The following SV2C variants were observed in gnomAD, a reference collection of about 807,000 sequenced individuals.
The protein encoded by SV2C is synaptic vesicle glycoprotein 2C.
A neutral mutation model predicts 79.7 loss-of-function variants in SV2C; 49 were observed. The ratio of observed to expected loss-of-function variants is 0.61; its 90% CI spans 0.49 to 0.78. The LOEUF is 0.78. Among genes scored for constraint, SV2C ranks in the 30% least tolerant of loss-of-function variants. The probability of loss-of-function intolerance (pLI) is 0.00; values close to 1 mark genes in which losing one functional copy is unlikely to be tolerated. For missense variants in SV2C, 833 were observed against 912.9 expected (o/e 0.91, Z 1.13); for synonymous variants, 334 against 333.2 (o/e 1.00, Z -0.03).
the SV2C span, among the ~76,000 whole-genome samples, chr5:75,974,894 G>T: frequency 6.6e-6 from 1 of 152,114 alleles, no homozygotes; most frequent in East Asian, 1.9e-4. Flanking sequence ...CCATTTTACA[G>T]ATTTAAAAAT....
chr5:76,173,905 T>C (rs751067146), intron 2 of SV2C: 12 of 1,591,940 alleles, frequency 7.5e-6, no homozygotes, highest in Non-Finnish European at 1.0e-5. Flanking sequence ...TCAGGTCTTG[T>C]AAATCGTTAA....
intron 2 of SV2C, among the ~76,000 whole-genome samples, chr5:76,173,056 TAA>T (rs202156740): frequency 1.1e-5 from 1 of 89,264 alleles, no homozygotes; most frequent in African/African-American, 4.5e-5. Flanking sequence ...AAAAATAAAT[TAA>T]AAAAAAATAC....
the SV2C span, among the ~76,000 whole-genome samples, chr5:75,984,403 A>G: frequency 6.6e-6 from 1 of 152,108 alleles, no homozygotes; most frequent in Non-Finnish European, 1.5e-5. Context: ...CAAATGACCT[A>G]ATATAAATCT....
chr5:76,054,122 T>G, the SV2C span, among the ~76,000 whole-genome samples: 5 of 152,038 alleles, frequency 3.3e-5, no homozygotes, highest in Non-Finnish European at 5.9e-5. Flanking sequence ...ATTAGGTATT[T>G]GTCCAAATGC....
intron 4 of SV2C, among the ~76,000 whole-genome samples, chr5:76,268,905 A>G (rs554176625): frequency 1.3e-5 from 2 of 152,372 alleles, no homozygotes; most frequent in South Asian, 4.1e-4. Flanking sequence ...CATAGCAAAA[A>G]CTAACACAAA....
chr5:75,924,445 A>G, the SV2C span, among the ~76,000 whole-genome samples: 1 of 152,178 alleles, frequency 6.6e-6, no homozygotes, highest in East Asian at 1.9e-4. Flanking sequence ...TCTTAGTCAA[A>G]CCTTTTGTCT....
chr5:76,009,508 C>T, the SV2C span, among the ~76,000 whole-genome samples: 5 of 152,188 alleles, frequency 3.3e-5, no homozygotes, highest in African/African-American at 9.7e-5. Context: ...ATGGAATCAA[C>T]CCAGGTGCCT....
intron 1 of SV2C, among the ~76,000 whole-genome samples, chr5:76,088,674 C>A (rs1411898828): frequency 6.6e-6 from 1 of 152,184 alleles, no homozygotes; most frequent in Admixed American, 6.5e-5. Flanking sequence ...CAGACCATAG[C>A]AGACATACTT....
the SV2C span, among the ~76,000 whole-genome samples, chr5:76,032,451 T>C: frequency 6.6e-6 from 1 of 152,000 alleles, no homozygotes; most frequent in Non-Finnish European, 1.5e-5. Flanking sequence ...CCTGTGTCCA[T>C]GTGTTCTCAT....
At chr5:76,021,638 A>G in the SV2C span, among the ~76,000 whole-genome samples, 1 of 152,196 alleles carries the variant, frequency 6.6e-6, no homozygotes, top group African/African-American at 2.4e-5. Context: ...AGAGGTCTAA[A>G]AATCCTTTAG....
chr5:76,077,853 G>T, the SV2C span, among the ~76,000 whole-genome samples: 332 of 152,352 alleles, frequency 2.2e-3, 1 homozygote, highest in Middle Eastern at 0.037. Flanking sequence ...CCACCAGAGA[G>T]GTGGCCTCTT....
chr5:76,193,286 A>G (rs1744163151), intron 2 of SV2C, among the ~76,000 whole-genome samples: 1 of 152,174 alleles, frequency 6.6e-6, no homozygotes, highest in South Asian at 2.1e-4. Flanking sequence ...GGGGTCTGAA[A>G]GTCCAAATGC....
At chr5:76,154,892 A>C (rs546694697) in intron 2 of SV2C, among the ~76,000 whole-genome samples, 2 of 152,302 alleles carry the variant, frequency 1.3e-5, no homozygotes, top group South Asian at 4.2e-4. Context: ...TTCTATATTT[A>C]AAGGGAAAAA....
At chr5:76,275,628 C>T (rs1026859380) in intron 4 of SV2C, among the ~76,000 whole-genome samples, 8 of 152,224 alleles carry the variant, frequency 5.3e-5, no homozygotes, top group African/African-American at 1.9e-4. Flanking sequence ...CATACCTCTG[C>T]CTTGGCACCT....
chr5:75,946,790 A>G, the SV2C span, among the ~76,000 whole-genome samples: 1 of 152,116 alleles, frequency 6.6e-6, no homozygotes, highest in African/African-American at 2.4e-5. Context: ...GGTACAACAC[A>G]AAAGAATTTT....
chr5:75,897,525 G>A, the SV2C span, among the ~76,000 whole-genome samples: 1 of 152,254 alleles, frequency 6.6e-6, no homozygotes. Context: ...TTGTTCTTTT[G>A]GCTTAGGATT....
chr5:76,281,622 C>T (rs552126320), intron 4 of SV2C, among the ~76,000 whole-genome samples: 1 of 152,294 alleles, frequency 6.6e-6, no homozygotes, highest in African/African-American at 2.4e-5. Context: ...ATTCGCAGGG[C>T]TTCTAGAGTC....
chr5:76,302,800 C>T (rs1748055993), intron 12 of SV2C, among the ~76,000 whole-genome samples: 1 of 151,728 alleles, frequency 6.6e-6, no homozygotes, highest in African/African-American at 2.4e-5. Flanking sequence ...TGGACTTTGC[C>T]TTCATGTACC....
At chr5:76,036,499 T>C in the SV2C span, among the ~76,000 whole-genome samples, 9 of 152,072 alleles carry the variant, frequency 5.9e-5, no homozygotes, top group South Asian at 1.9e-3. Flanking sequence ...CTCCTTCACT[T>C]ATGAAGCTTA....
Sources: allele counts gnomAD v4.1 joint callset (sites outside exome capture counted in the v4.1 genomes callset), GRCh38; gene constraint gnomAD v4.1.1; transcripts MANE v1.5; gene names NCBI Gene and HGNC (gene_info 2026-07-23, HGNC 2026-07-21).